Variants in MAPK10 observed in about 807,000 individuals in gnomAD.
MAPK10 encodes JNK3 alpha protein kinase.
MAPK10 carries 25 observed loss-of-function variants against 59.3 expected under a neutral mutation model. The observed-to-expected ratio is 0.42, with a 90% confidence interval of 0.31 to 0.59. MAPK10 has a LOEUF of 0.59. MAPK10 is among the 20% of genes least tolerant of loss of function. The pLI is 0.15. For synonymous variants in MAPK10, 190 were observed against 200.5 expected, an observed-to-expected ratio of 0.95 and a Z score of 0.44; for missense variants, 351 against 568.9, an observed-to-expected ratio of 0.62 and a Z score of 3.90.
At chr4:86,490,414 A>G (rs1276746260) in intron 1 of MAPK10, among the ~76,000 whole-genome samples, 1 of 152,230 alleles carries the variant, frequency 6.6e-6, no homozygotes, top group African/African-American at 2.4e-5. Context: ...TGGTAAGCGT[A>G]TGGGCCAAGT....
Position 86,328,652 on chromosome 4 carries a change from C to T in MAPK10, c.-7+25878G>A, listed in dbSNP as rs566211063. ...CAAAGAAAATGTGGCACATATACACCGTAGAATACTATGCAGCCATAACAA... is the reference window on the plus strand; with the variant it reads ...CAAAGAAAATGTGGCACATATACACTGTAGAATACTATGCAGCCATAACAA... On this transcript the variant is annotated intron_variant, in intron 2 of 13. Transcript: ENST00000641462. 9.9e-5 allele frequency among the ~76,000 whole-genome samples: 15 copies of T among 152,242 alleles called. No individual in the cohort carries two copies. In the East Asian group the frequency reaches 2.1e-3, roughly 22 times the overall value.
chr4:86,574,225 G>C (rs2149109345), intron 1 of MAPK10, among the ~76,000 whole-genome samples: 1 of 151,834 alleles, frequency 6.6e-6, no homozygotes, highest in East Asian at 1.9e-4. Context: ...TCCCTACAAA[G>C]GACATGAACT....
At chr4:86,218,280 T>G (rs993325524) in intron 2 of MAPK10, among the ~76,000 whole-genome samples, 4 of 152,130 alleles carry the variant, frequency 2.6e-5, no homozygotes, top group African/African-American at 7.2e-5. Flanking sequence ...CTCAGCTCAC[T>G]GTAACCTCTG....
At chr4:86,223,609 G>A (rs149844272) in intron 2 of MAPK10, among the ~76,000 whole-genome samples, 2,005 of 152,140 alleles carry the variant, frequency 0.013, 23 homozygotes, top group Middle Eastern at 0.02. Context: ...CCGGAACCTC[G>A]GGCCATTTCC....
At chr4:86,183,026 T>C (rs537300772) in intron 3 of MAPK10, among the ~76,000 whole-genome samples, 1 of 152,140 alleles carries the variant, frequency 6.6e-6, no homozygotes, top group Non-Finnish European at 1.5e-5. Flanking sequence ...ACTTTCTGTA[T>C]TTTAAAAAAT....
intron 1 of MAPK10, among the ~76,000 whole-genome samples, chr4:86,548,023 A>G (rs577423490): frequency 1.3e-5 from 2 of 152,330 alleles, no homozygotes; most frequent in South Asian, 4.2e-4. Context: ...CTGATCCAGC[A>G]GTGGCAACCC....
At chr4:86,312,512 T>C (rs1564261873) in intron 2 of MAPK10, among the ~76,000 whole-genome samples, 1 of 152,122 alleles carries the variant, frequency 6.6e-6, no homozygotes, top group Admixed American at 6.6e-5. Context: ...ACATTGTATC[T>C]GGAATACTGT....
chr4:86,025,575 A>G (rs1037728001), intron 13 of MAPK10: 2 of 398,108 alleles, frequency 5.0e-6, no homozygotes, highest in Admixed American at 4.4e-5. Context: ...TCTTCTTTCT[A>G]TATTATTTAA....
chr4:86,061,475 G>A (rs1208709219), intron 11 of MAPK10, among the ~76,000 whole-genome samples: 1 of 152,052 alleles, frequency 6.6e-6, no homozygotes, highest in African/African-American at 2.4e-5. Context: ...CTTGAGCTTG[G>A]CATCCAATTT....
intron 4 of MAPK10, among the ~76,000 whole-genome samples, chr4:86,137,215 T>A (rs188446190): frequency 0.045 from 6,815 of 150,978 alleles, 529 homozygotes; most frequent in African/African-American, 0.16. Flanking sequence ...TCACCACCCC[T>A]AATCAACAGA....
chr4:86,494,451 A>G (rs1255792551), intron 1 of MAPK10, among the ~76,000 whole-genome samples: 3 of 152,152 alleles, frequency 2.0e-5, no homozygotes, highest in African/African-American at 7.2e-5. Flanking sequence ...AAAGAGCTGG[A>G]GGGGATATCT....
At chr4:86,207,721 A>C (rs2084512721) in intron 2 of MAPK10, among the ~76,000 whole-genome samples, 1 of 151,814 alleles carries the variant, frequency 6.6e-6, no homozygotes, top group East Asian at 1.9e-4. Context: ...CTTTTATTTC[A>C]TTGAGCAGTG....
chr4:86,458,875 G>A (rs988371418), intron 1 of MAPK10, among the ~76,000 whole-genome samples: 46 of 152,152 alleles, frequency 3.0e-4, no homozygotes, highest in Non-Finnish European at 5.9e-5. Context: ...TCATGACCAC[G>A]AACCCAGAAG....
At position 86,576,609 on chromosome 4, in the gene MAPK10, C is replaced by A. The variant is rs148949140; in HGVS notation, c.-263+17301G>T. Among the ~76,000 whole-genome samples, 884 of 150,744 alleles carry A rather than the reference C, an allele frequency of 5.9e-3. 6 individuals carry two copies. The highest frequency in any genetic ancestry group is 0.019 in the African/African-American group (789 of 40,982). ...CTAACACAGCGAAACCCCGTCTCTA[C>A]TAAAAATACAAAAAATTAGCCGGGC... is the stretch of plus-strand genomic sequence containing the variant. On this transcript the variant is annotated intron_variant, in intron 1 of 4. Transcript: ENST00000502302.
intron 1 of MAPK10, among the ~76,000 whole-genome samples, chr4:86,471,299 T>G (rs1252133296): frequency 7.0e-6 from 1 of 143,290 alleles, no homozygotes; most frequent in Non-Finnish European, 1.5e-5. Context: ...AAAAAAAGAA[T>G]TAAACTAGTA....
rs1554248575 is a variant in MAPK10 at position 86,359,288 on chromosome 4, CTG to C, written c.-122+368_-122+369del. Among the ~76,000 whole-genome samples, 483 of 94,546 alleles carry C rather than the reference CTG, an allele frequency of 5.1e-3. 8 individuals are homozygous for C. The highest frequency in any genetic ancestry group is 6.5e-3 in the Non-Finnish European group (329 of 50,336). 62.0% of individuals were successfully genotyped at this position (94,546 alleles called of 152,430 possible). On this transcript the variant is annotated intron_variant, in intron 1 of 13. Transcript: ENST00000641462. ...CCTCTCTCTCTCTCTCTCTCTCTCT[CTG>C]TGTGTGTGTGTGTGTGTGTGTGTGT...
intron 4 of MAPK10, 83 bp from the exon 5 acceptor site, chr4:86,107,435 A>G (rs999543274): frequency 1.3e-6 from 2 of 1,519,142 alleles, no homozygotes; most frequent in Non-Finnish European, 1.8e-6. Context: ...ATACTGGTAA[A>G]GAAAATGCTA....
chr4:86,068,808 T>A (rs1052329890), intron 9 of MAPK10, among the ~76,000 whole-genome samples: 6 of 152,156 alleles, frequency 3.9e-5, no homozygotes, highest in African/African-American at 1.2e-4. Context: ...ATTCTCTTTT[T>A]TATCTGTCAT....
chr4:86,017,153 G>T lies in MAPK10; in HGVS notation c.*75C>A. 6.9e-7 allele frequency: 1 copy of T among 1,451,562 alleles called. No individual in the cohort carries two copies. The highest frequency in any genetic ancestry group is 9.5e-7 in the Non-Finnish European group (1 of 1,049,732). The allele number at this position is 1,451,562 out of a possible 1,614,324, so 89.9% of individuals were successfully genotyped here. A position where few individuals can be genotyped will look rare whatever the true frequency, so the allele number is the denominator to read the frequency against. Reference sequence around the variant, plus strand: ...GTTGTGTGTCTGCATTTGTGTGTGTGTGTGTGTCTGCGTGTGTGTGTGTTC... The same window carrying T: ...GTTGTGTGTCTGCATTTGTGTGTGTTTGTGTGTCTGCGTGTGTGTGTGTTC... On this transcript the variant is annotated 3_prime_UTR_variant, in exon 14 of 14. Transcript: ENST00000641462. This position sits in a 1 kb window ranked among gnomAD's most constrained non-coding sequence, Gnocchi z 4.4.
Sources: gnomAD v4.1 joint callset for allele counts (sites outside exome capture counted in the v4.1 genomes callset) on GRCh38, gnomAD v4.1.1 for gene constraint, Gnocchi (gnomAD v3.1) non-coding constraint, MANE v1.5 for transcripts, NCBI Gene and HGNC (gene_info 2026-07-23, HGNC 2026-07-21) for gene names.